The following CD276 variants were observed in gnomAD, a reference collection of about 807,000 sequenced individuals.
The protein encoded by CD276 is CD276 molecule.
Under a neutral mutation model 50.0 loss-of-function variants are expected in CD276, and 34 were observed. The ratio of observed to expected loss-of-function variants is 0.68; its 90% CI spans 0.52 to 0.91. The LOEUF is 0.91. Ranked by LOEUF, CD276 falls within the 40% of genes least tolerant of loss-of-function variation. The pLI is 0.00. For missense variants in CD276, 634 were observed against 717.5 expected, an observed-to-expected ratio of 0.88 and a Z score of 1.33; for synonymous variants, 275 against 313.0, an observed-to-expected ratio of 0.88 and a Z score of 1.28.
chr15:73,694,049 C>T (rs1262069155), intron 1 of CD276, among the ~76,000 whole-genome samples: 1 of 152,198 alleles, frequency 6.6e-6, no homozygotes, highest in African/African-American at 2.4e-5. Flanking sequence ...ACTGCCATGT[C>T]CCTCTGTTCT....
intron 1 of CD276, among the ~76,000 whole-genome samples, chr15:73,692,486 C>T (rs1164800242): frequency 6.6e-6 from 1 of 152,226 alleles, no homozygotes; most frequent in African/African-American, 2.4e-5. Context: ...ATAGTACCTA[C>T]TTCACAGAAT....
Position 73,696,490 on chromosome 15 carries a change from T to C in CD276, c.-54-3096T>C, listed in dbSNP as rs192330347. Among the ~76,000 whole-genome samples, 538 of 152,120 alleles carry C rather than the reference T, an allele frequency of 3.5e-3. 1 individual carries two copies. The highest frequency in any genetic ancestry group is 6.5e-3 in the Non-Finnish European group (444 of 67,984). On this transcript the variant is annotated intron_variant, in intron 1 of 9. Coordinates refer to ENST00000318443, the MANE Select transcript of CD276 (RefSeq NM_001024736.2). ...CCGTGGACTCTTCTGGTCTCTTTGC[T>C]TCTGGGCTGTCAAACTGCTTCTCTC...
At position 73,687,059 on chromosome 15, in the gene CD276, G is replaced by A. The variant is rs1167673544; in HGVS notation, c.-55+2599G>A. ...GGGGAGGGGGAGAGGGGTGAGGACTGGTCCACATGATTTTTGAGAAATTGC... is the reference window on the plus strand; with the variant it reads ...GGGGAGGGGGAGAGGGGTGAGGACTAGTCCACATGATTTTTGAGAAATTGC... On this transcript the variant is annotated intron_variant, in intron 1 of 9. Coordinates refer to ENST00000318443, the MANE Select transcript of CD276 (RefSeq NM_001024736.2). This position sits in a 1 kb window ranked among gnomAD's most constrained non-coding sequence, Gnocchi z 4.0. Among the ~76,000 whole-genome samples, 1 of 152,122 alleles carries A rather than the reference G, an allele frequency of 6.6e-6. No homozygotes were observed. The highest frequency in any genetic ancestry group is 1.5e-5 in the Non-Finnish European group (1 of 68,014).
In CD276 at chr15:73,704,005, C is replaced by G. The variant is rs1219181357; in HGVS notation, c.1072+8C>G. ...TCAGCCTGCAGGTGGCCGGTGAGCA[C>G]CAGGAGGGCGACGCCTTCCCCTTGG... is the stretch of plus-strand genomic sequence containing the variant. On this transcript the variant is annotated splice_region_variant and intron_variant, in intron 5 of 9. Transcript: ENST00000318443. The surrounding 1 kb of genome is among the most constrained non-coding windows in gnomAD (Gnocchi z 4.1). 6.2e-7 allele frequency: 1 copy of G among 1,604,946 alleles called. No homozygotes were observed. Among genetic ancestry groups the G allele is most frequent in the Non-Finnish European group, 8.5e-7 (1 of 1,176,328 alleles).
At position 73,703,663 on chromosome 15, in the gene CD276, C is replaced by T. The variant is rs750238370; in HGVS notation, c.738C>T (p.Ala246=). The change falls in exon 5 of 10, where the codon GCC becomes GCT. Residue 246 remains alanine (A), a synonymous_variant. Transcript: ENST00000318443. ...CCCCTCTGACCCCGCCCCCAGGAGC[C>T]GTGGAGGTCCAGGTCCCTGAGGACC... ...TITPQRSPTG[A]VEVQVPEDPV... 1.8e-5 allele frequency: 29 copies of T among 1,606,572 alleles called. No homozygotes were observed. The highest frequency in any genetic ancestry group is 3.3e-5 in the South Asian group (3 of 90,672).
intron 7 of CD276, 21 bp from the exon 8 acceptor site, chr15:73,709,627 T>G (rs1400407872): frequency 1.2e-6 from 2 of 1,612,874 alleles, no homozygotes; most frequent in Non-Finnish European, 1.7e-6. Flanking sequence ...TTTTGTTTAT[T>G]CTGAGTTCTT....
rs141827757 is a variant in CD276 at position 73,712,642 on chromosome 15, C to T, written c.1583-292C>T. On this transcript the variant is annotated intron_variant, in intron 9 of 9. Coordinates refer to ENST00000318443, the MANE Select transcript of CD276 (RefSeq NM_001024736.2). ...GAGATGAGAAGGGAAAAGTGTTGCA[C>T]GTAGAGGGAGAGTGGAGGGAAGTGT... 4.1e-3 allele frequency among the ~76,000 whole-genome samples: 618 copies of T among 152,260 alleles called. 6 individuals are homozygous for T. The highest frequency in any genetic ancestry group is 0.014 in the African/African-American group (587 of 41,538).
Position 73,684,387 on chromosome 15 carries a change from G to C in CD276, c.-128G>C, listed in dbSNP as rs1200471022. The stretch of plus-strand genomic sequence containing the variant: ...CCCGGGCCGCCCCCGGCCCCCATTC[G>C]GGCCGGGCCTCGCTGCGGCGGCGAC... On this transcript the variant is annotated 5_prime_UTR_variant, in exon 1 of 10. Transcript: ENST00000318443. 6.6e-6 allele frequency: 1 copy of C among 151,670 alleles called. No individual in the cohort carries two copies. Among genetic ancestry groups the C allele is most frequent in the Non-Finnish European group, 1.5e-5 (1 of 67,890 alleles). 9.4% of individuals were successfully genotyped at this position (151,670 alleles called of 1,614,324 possible).
chr15:73,708,311 G>A (rs1567022848), intron 6 of CD276, 28 bp from the exon 7 acceptor site: 1 of 1,611,390 alleles, frequency 6.2e-7, no homozygotes, highest in Non-Finnish European at 8.5e-7. Flanking sequence ...AGGCATGACA[G>A]TCTCACTGTT....
intron 1 of CD276, among the ~76,000 whole-genome samples, chr15:73,696,616 G>A (rs188735208): frequency 1.1e-4 from 16 of 152,328 alleles, no homozygotes; most frequent in East Asian, 7.7e-4. Flanking sequence ...GGAGGGAAGC[G>A]CAGCTCGGCC....
Position 73,709,631 on chromosome 15 carries a change from A to C in CD276, c.1505-17A>C, listed in dbSNP as rs1297036525. ...TTGCAAAAGATTTTTGTTTATTCTG[A>C]GTTCTTGCCTTTGCAGGAGCTGAGG... is the stretch of plus-strand genomic sequence containing the variant. On this transcript the variant is annotated splice_polypyrimidine_tract_variant and intron_variant, in intron 7 of 9. Coordinates refer to ENST00000318443, the MANE Select transcript of CD276 (RefSeq NM_001024736.2). 1 of 1,612,574 alleles carries C rather than the reference A, an allele frequency of 6.2e-7. No individual in the cohort carries two copies. Among genetic ancestry groups the C allele is most frequent in the Non-Finnish European group, 8.5e-7 (1 of 1,179,404 alleles).
intron 6 of CD276, among the ~76,000 whole-genome samples, chr15:73,705,602 A>G (rs1005872839): frequency 6.6e-6 from 1 of 152,118 alleles, no homozygotes; most frequent in Non-Finnish European, 1.5e-5. Context: ...GAGCTCTTGA[A>G]TGTTCTGAGA....
At chr15:73,685,378 A>G (rs1297032182) in intron 1 of CD276, among the ~76,000 whole-genome samples, 1 of 151,820 alleles carries the variant, frequency 6.6e-6, no homozygotes, top group Non-Finnish European at 1.5e-5. Flanking sequence ...CTAATGAGAA[A>G]AGCGTGATAG....
In CD276 at chr15:73,708,533, G is replaced by C. The variant is rs1211267941; in HGVS notation, c.1504+60G>C. 3.2e-6 allele frequency: 5 copies of C among 1,549,352 alleles called. No individual in the cohort carries two copies. The Admixed American group carries it at 5.7e-5, about 18-fold the overall frequency. ...ACACTTATGTGTCTTGGGGTATGTT[G>C]CTGTCTTTGATGTCAATAGAGTGTC... On this transcript the variant is annotated intron_variant, in intron 7 of 9. Coordinates refer to ENST00000318443, the MANE Select transcript of CD276 (RefSeq NM_001024736.2).
At position 73,704,547 on chromosome 15, in the gene CD276, C is replaced by G; in HGVS notation, c.1369+75C>G. 6.6e-7 allele frequency: 1 copy of G among 1,515,616 alleles called. No individual in the cohort carries two copies. The highest frequency in any genetic ancestry group is 8.9e-7 in the Non-Finnish European group (1 of 1,127,740). The allele number at this position is 1,515,616 out of a possible 1,614,324, so 93.9% of individuals were successfully genotyped here. Reference sequence around the variant, plus strand: ...TTACTGGACCCTAACGTGGAATTTCCATAGGTTTGGGTGGCCAGAAGACTT... The same window carrying G: ...TTACTGGACCCTAACGTGGAATTTCGATAGGTTTGGGTGGCCAGAAGACTT... On this transcript the variant is annotated intron_variant, in intron 6 of 9. Coordinates refer to ENST00000318443, the MANE Select transcript of CD276 (RefSeq NM_001024736.2). The surrounding 1 kb of genome is among the most constrained non-coding windows in gnomAD (Gnocchi z 4.1).
chr15:73,697,671 C>G (rs1427981509), intron 1 of CD276: 1 of 150,804 alleles, frequency 6.6e-6, no homozygotes, highest in Non-Finnish European at 1.5e-5. Context: ...TGGGTTCAAG[C>G]AATTCTCCTG....
At chr15:73,703,459 C>T (rs1900499270) in intron 4 of CD276, among the ~76,000 whole-genome samples, 200 bp from the exon 5 acceptor site, 1 of 152,160 alleles carries the variant, frequency 6.6e-6, no homozygotes, top group East Asian at 1.9e-4. Flanking sequence ...CAAGACCCAC[C>T]TGCTGTGATT....
chr15:73,709,714 C>T (rs760092128), intron 8 of CD276, 25 bp downstream of exon 8: 1 of 1,607,278 alleles, frequency 6.2e-7, no homozygotes, highest in South Asian at 1.1e-5. Flanking sequence ...GGAGCTGGCC[C>T]TCTTGGCTGG....
In CD276 at chr15:73,703,806, T is replaced by G; in HGVS notation, c.881T>G (p.Val294Gly). 1 of 1,613,692 alleles carries G rather than the reference T, an allele frequency of 6.2e-7. No homozygotes were observed. Among genetic ancestry groups the G allele is most frequent in the Non-Finnish European group, 8.5e-7 (1 of 1,180,024 alleles). The change falls in exon 5 of 10, where the codon GTG becomes GGG. Residue 294 changes from valine (V) to glycine (G), a missense_variant. Physicochemically the swap from Val to Gly is moderately radical, Grantham distance 109. Coordinates refer to ENST00000318443, the MANE Select transcript of CD276 (RefSeq NM_001024736.2). ...IWQLTDTKQL[V>G]HSFTEGRDQG... is the part of the protein sequence containing the mutation. ...CAGCTGACAGACACCAAACAGCTGG[T>G]GCACAGTTTCACCGAAGGCCGGGAC...
Sources: gnomAD v4.1 joint callset for allele counts (sites outside exome capture counted in the v4.1 genomes callset) on GRCh38, gnomAD v4.1.1 for gene constraint, Gnocchi (gnomAD v3.1) non-coding constraint, MANE v1.5 for transcripts, NCBI Gene and HGNC (gene_info 2026-07-23, HGNC 2026-07-21) for gene names.